KATNAL1: variants seen among roughly 807,000 people sequenced by gnomAD.
KATNAL1 encodes katanin p60 ATPase-containing subunit A-like 1.
In KATNAL1, 32 loss-of-function variants were observed where a neutral mutation model predicts 55.2. The observed-to-expected ratio is 0.58, with a 90% CI of 0.44 to 0.78. KATNAL1 has a LOEUF of 0.78. Among genes scored for constraint, KATNAL1 ranks in the 30% least tolerant of loss-of-function variants. KATNAL1 has a pLI of 0.00. For synonymous variants in KATNAL1, 193 were observed against 193.6 expected (o/e 1.00, Z 0.02); for missense variants, 466 against 600.9 (o/e 0.78, Z 2.35).
chr13:30,212,946 G>A lies in KATNAL1; in HGVS notation c.1148-2504C>T, dbSNP rs563275060. Among the ~76,000 whole-genome samples, 8 of 152,224 alleles carry A rather than the reference G, an allele frequency of 5.3e-5. No homozygotes were observed. The South Asian group carries it at 1.7e-3, about 32-fold the overall frequency. On this transcript the variant is annotated intron_variant, in intron 9 of 10. Coordinates refer to ENST00000380615, the MANE Select transcript of KATNAL1 (RefSeq NM_032116.5). Reference sequence around the variant, plus strand: ...TGGGCTCTAATCCAACATGACTGGTGTCCTTATAAGAAGAAGCGGTTAGGA... The same window carrying A: ...TGGGCTCTAATCCAACATGACTGGTATCCTTATAAGAAGAAGCGGTTAGGA...
chr13:30,283,486 G>T, intron 2 of KATNAL1, 130 bp downstream of exon 2: 1 of 652,920 alleles, frequency 1.5e-6, no homozygotes, highest in Non-Finnish European at 2.5e-6. Flanking sequence ...TATTTTAAAT[G>T]TATTTCAGTA....
intron 10 of KATNAL1, among the ~76,000 whole-genome samples, chr13:30,209,121 T>C (rs916273457): frequency 3.3e-5 from 5 of 152,192 alleles, no homozygotes; most frequent in African/African-American, 1.2e-4. Context: ...ACAGACCAGT[T>C]TGTCTACAGC....
intron 1 of KATNAL1, among the ~76,000 whole-genome samples, chr13:30,292,242 G>A (rs1168042829): frequency 6.6e-6 from 1 of 152,254 alleles, no homozygotes; most frequent in East Asian, 1.9e-4. Context: ...CTATCCATAT[G>A]CAAAACAAAA....
At chr13:30,210,189 C>G (rs1211402449) in intron 10 of KATNAL1, 127 bp downstream of exon 10, 3 of 670,558 alleles carry the variant, frequency 4.5e-6, no homozygotes, top group Non-Finnish European at 6.7e-6. Context: ...AAATGGGAAA[C>G]CATTTTAAAG....
chr13:30,258,761 A>AT (rs141230710), intron 3 of KATNAL1, among the ~76,000 whole-genome samples: 16,460 of 151,784 alleles, frequency 0.11, 1,143 homozygotes, highest in Non-Finnish European at 0.16. Context: ...GAGTATCTCG[A>AT]TTTTTTTTCA....
At chr13:30,224,237 G>A (rs1875210578) in intron 9 of KATNAL1, among the ~76,000 whole-genome samples, 1 of 151,980 alleles carries the variant, frequency 6.6e-6, no homozygotes. Flanking sequence ...GCTTTAAAAT[G>A]TGCAAATTTA....
chr13:30,263,216 A>C (rs1879455599), intron 3 of KATNAL1, among the ~76,000 whole-genome samples: 1 of 152,232 alleles, frequency 6.6e-6, no homozygotes, highest in Non-Finnish European at 1.5e-5. Flanking sequence ...GATGGGACGT[A>C]TCTCAAAATA....
intron 4 of KATNAL1, among the ~76,000 whole-genome samples, chr13:30,250,598 G>C (rs1023618734): frequency 6.6e-6 from 1 of 152,058 alleles, no homozygotes; most frequent in Non-Finnish European, 1.5e-5. Context: ...AATCTAGTTT[G>C]CAACATCTCT....
At chr13:30,233,859 A>G (rs1177739131) in intron 6 of KATNAL1, among the ~76,000 whole-genome samples, 1 of 152,216 alleles carries the variant, frequency 6.6e-6, no homozygotes, top group Admixed American at 6.5e-5. Flanking sequence ...GACACATATC[A>G]CATGTTTTCA....
intron 9 of KATNAL1, among the ~76,000 whole-genome samples, chr13:30,213,859 G>A (rs1873937863): frequency 6.6e-6 from 1 of 152,066 alleles, no homozygotes; most frequent in Admixed American, 6.6e-5. Flanking sequence ...TTTGAAAACG[G>A]GCACAAGACA....
intron 3 of KATNAL1, among the ~76,000 whole-genome samples, chr13:30,269,487 C>T (rs1032704272): frequency 1.3e-5 from 2 of 151,984 alleles, no homozygotes; most frequent in African/African-American, 2.4e-5. Flanking sequence ...TCTGCCCGGC[C>T]GCCACCCCGT....
chr13:30,243,782 TG>T (rs955166760), intron 4 of KATNAL1, among the ~76,000 whole-genome samples: 9 of 152,146 alleles, frequency 5.9e-5, no homozygotes, highest in Non-Finnish European at 1.2e-4. Flanking sequence ...TAAAAATCAC[TG>T]GGTCATAGTC....
chr13:30,247,199 T>C (rs2137440706), intron 4 of KATNAL1, among the ~76,000 whole-genome samples: 1 of 152,284 alleles, frequency 6.6e-6, no homozygotes, highest in Non-Finnish European at 1.5e-5. Context: ...TGCACACCCC[T>C]GGGCTACTCT....
Position 30,208,526 on chromosome 13 carries a change from G to A in KATNAL1, c.*14C>T. 6.8e-7 allele frequency: 1 copy of A among 1,477,468 alleles called. No individual in the cohort carries two copies. The allele number at this position is 1,477,468 out of a possible 1,614,324, so 91.5% of individuals were successfully genotyped here. ...ATCAACAAAAATACCAGAAATTAAA[G>A]AGCTGACAGAAATTCAAGCAGATCC... On this transcript the variant is annotated 3_prime_UTR_variant, in exon 11 of 11. Transcript: ENST00000380615.
At chr13:30,270,773 G>A (rs1457435997) in intron 3 of KATNAL1, among the ~76,000 whole-genome samples, 3 of 151,038 alleles carry the variant, frequency 2.0e-5, no homozygotes, top group Non-Finnish European at 4.4e-5. Context: ...CACAAACACT[G>A]CGGAAGGCCG....
chr13:30,295,468 C>T (rs1043053974), intron 1 of KATNAL1, among the ~76,000 whole-genome samples: 1 of 152,108 alleles, frequency 6.6e-6, no homozygotes, highest in African/African-American at 2.4e-5. Flanking sequence ...AATCTCATGA[C>T]AAAACATAAA....
In KATNAL1 at chr13:30,202,711, C is replaced by G. The variant is rs1872802714; in HGVS notation, c.*5829G>C. 6.6e-6 allele frequency: 1 copy of G among 152,158 alleles called. No homozygotes were observed. The highest frequency in any genetic ancestry group is 2.4e-5 in the African/African-American group (1 of 41,434). 9.4% of individuals were successfully genotyped at this position (152,158 alleles called of 1,614,324 possible). A position where few individuals can be genotyped will look rare whatever the true frequency, so the allele number is the denominator to read the frequency against. ...TAAGCTAATGAGATTAGCAAAGTAG[C>G]AGCACAAAAGGTAAGGAAAAACACA... On this transcript the variant is annotated 3_prime_UTR_variant, in exon 11 of 11. Coordinates refer to ENST00000380615, the MANE Select transcript of KATNAL1 (RefSeq NM_032116.5).
intron 3 of KATNAL1, among the ~76,000 whole-genome samples, chr13:30,272,643 C>T (rs1190332640): frequency 4.0e-5 from 6 of 151,686 alleles, no homozygotes; most frequent in Non-Finnish European, 8.8e-5. Context: ...TTTTCTGTAA[C>T]ATTAAAAAAA....
At chr13:30,242,755 A>G (rs1051676364) in intron 4 of KATNAL1, among the ~76,000 whole-genome samples, 7 of 152,142 alleles carry the variant, frequency 4.6e-5, no homozygotes, top group Non-Finnish European at 1.0e-4. Context: ...CCGAGAACCC[A>G]AAGTTTCTCA....
Sources: allele counts gnomAD v4.1 joint callset (sites outside exome capture counted in the v4.1 genomes callset), GRCh38; gene constraint gnomAD v4.1.1; transcripts MANE v1.5; gene names NCBI Gene and HGNC (gene_info 2026-07-23, HGNC 2026-07-21).